MACF1: variants seen among roughly 807,000 people sequenced by gnomAD.
MACF1 encodes microtubule-actin cross-linking factor 1.
In MACF1, 193 loss-of-function variants were observed where a neutral mutation model predicts 854.8. That is an observed-to-expected ratio of 0.23 (90% CI 0.20 to 0.25). MACF1 has a LOEUF of 0.25. Ranked by LOEUF, MACF1 falls within the 10% of genes least tolerant of loss-of-function variation. The pLI is 1.00. For missense variants in MACF1, 7,722 were observed against 8,929.1 expected (o/e 0.86, Z 5.45); for synonymous variants, 3,185 against 3,226.7 (o/e 0.99, Z 0.44).
intron 83 of MACF1, 68 bp downstream of exon 83, chr1:39,448,220 TAAA>T: frequency 6.6e-7 from 1 of 1,517,916 alleles, no homozygotes; most frequent in Non-Finnish European, 8.9e-7. Flanking sequence ...TTGCCAAAAA[TAAA>T]AATCAGAGCT....
In MACF1 at chr1:39,291,916, C is replaced by T; in HGVS notation, c.1792C>T (p.Leu598=). Residue 598 remains leucine (L), a synonymous_variant, in exon 16 of 101, where the codon CTG becomes TTG. Transcript: ENST00000564288. Reference sequence around the variant, plus strand: ...TATATTTTTTCTTTTTCAGATGAAACTGGAGCGAGCAGAGTGGGGCAATGA... The same window carrying T: ...TATATTTTTTCTTTTTCAGATGAAATTGGAGCGAGCAGAGTGGGGCAATGA... ...LSWVEEMQMK[L]ERAEWGNDLP... 1 of 1,612,954 alleles carries T rather than the reference C, an allele frequency of 6.2e-7. No homozygotes were observed. Among genetic ancestry groups the T allele is most frequent in the Non-Finnish European group, 8.5e-7 (1 of 1,179,722 alleles).
intron 1 of MACF1, among the ~76,000 whole-genome samples, chr1:39,209,096 T>C (rs1186098011): frequency 6.6e-6 from 1 of 151,260 alleles, no homozygotes; most frequent in Non-Finnish European, 1.5e-5. Flanking sequence ...TACTAAAAAA[T>C]ACAAAATTAG....
intron 2 of MACF1, among the ~76,000 whole-genome samples, chr1:39,124,521 A>T (rs530011098): frequency 2.0e-5 from 3 of 152,206 alleles, no homozygotes; most frequent in African/African-American, 7.2e-5. Flanking sequence ...AGCATACTCA[A>T]TAAGTGTTAT....
intron 52 of MACF1, 24 bp downstream of exon 52, chr1:39,372,620 T>A (rs1198071229): frequency 1.3e-6 from 2 of 1,492,042 alleles, no homozygotes; most frequent in Middle Eastern, 1.7e-4. Flanking sequence ...CTTCAAAATA[T>A]AGTGAATAAA....
chr1:39,370,284 C>T, intron 51 of MACF1, 98 bp downstream of exon 51: 1 of 1,135,354 alleles, frequency 8.8e-7, no homozygotes, highest in Non-Finnish European at 1.2e-6. Context: ...TATGAGAAAT[C>T]CAAGTTGTCA....
intron 6 of MACF1, among the ~76,000 whole-genome samples, chr1:39,259,913 G>A (rs527927431): frequency 7.2e-5 from 11 of 152,214 alleles, no homozygotes; most frequent in African/African-American, 2.2e-4. Context: ...CACCGTGCCC[G>A]GCCAGAAGAA....
At chr1:39,301,031 A>G (rs1336975770) in intron 22 of MACF1, among the ~76,000 whole-genome samples, 1 of 152,178 alleles carries the variant, frequency 6.6e-6, no homozygotes, top group Non-Finnish European at 1.5e-5. Context: ...AATAAAAGGC[A>G]TAAGTTTCTT....
rs148250336 is a variant in MACF1, at chr1:39,189,855, A to G, written c.221-41327A>G. On this transcript the variant is annotated intron_variant, in intron 2 of 93. Coordinates refer to the MACF1 transcript ENST00000361689. ...CAGTTAGATTGTAAGCTCTTAAAGG[A>G]TAGTAGCATAAGACTGGCTTTGTAA... 3.3e-5 allele frequency among the ~76,000 whole-genome samples: 5 copies of G among 152,340 alleles called. No homozygotes were observed. The East Asian group carries it at 9.6e-4, about 29-fold the overall frequency.
Position 39,442,190 on chromosome 1 carries a change from A to C in MACF1, c.18818A>C (p.Lys6273Thr). The C allele has an allele frequency of 1.2e-6, 2 of 1,601,768 alleles. No individual in the cohort carries two copies. Among genetic ancestry groups the C allele is most frequent in the Non-Finnish European group, 1.7e-6 (2 of 1,176,170 alleles). The change falls in exon 76 of 101, where the codon AAG becomes ACG. Residue 6273 changes from lysine (K) to threonine (T), a missense_variant. Coordinates refer to ENST00000564288, the MANE Select transcript of MACF1 (RefSeq NM_001394062.1). The stretch of plus-strand genomic sequence containing the variant: ...TACCAACAGCAAATTGAGATGGAGA[A>C]GCTTAATCACCAGGGTGAACTGATG... Reference protein sequence around the residue: ...EVYQQQIEMEKLNHQGELMLK... With the variant: ...EVYQQQIEMETLNHQGELMLK...
chr1:39,164,797 A>G (rs1313417490), intron 2 of MACF1, among the ~76,000 whole-genome samples: 9 of 152,202 alleles, frequency 5.9e-5, no homozygotes, highest in Non-Finnish European at 1.3e-4. Context: ...GCTTAATTTG[A>G]TAAAATAGGT....
At chr1:39,267,640 T>G (rs1645249570) in intron 6 of MACF1, among the ~76,000 whole-genome samples, 1 of 152,250 alleles carries the variant, frequency 6.6e-6, no homozygotes. Context: ...TACACAGTGC[T>G]TGGCACACAG....
intron 58 of MACF1, chr1:39,411,177 T>C (rs749621389): frequency 1.3e-5 from 21 of 1,613,606 alleles, no homozygotes; most frequent in Non-Finnish European, 1.7e-5. Context: ...CAGAATTGCA[T>C]GTTCTCATAA....
intron 2 of MACF1, among the ~76,000 whole-genome samples, chr1:39,123,723 T>G (rs897459455): frequency 5.1e-5 from 7 of 137,320 alleles, no homozygotes; most frequent in African/African-American, 1.9e-4. Flanking sequence ...TTTTGTTTTT[T>G]TTTTTTTTTT....
intron 52 of MACF1, among the ~76,000 whole-genome samples, chr1:39,375,973 T>C (rs1649684831): frequency 6.6e-6 from 1 of 152,240 alleles, no homozygotes; most frequent in South Asian, 2.1e-4. Context: ...TGTTATTTAA[T>C]GTATTACACA....
chr1:39,197,635 C>T (rs1369260464), intron 2 of MACF1, among the ~76,000 whole-genome samples: 1 of 152,164 alleles, frequency 6.6e-6, no homozygotes, highest in African/African-American at 2.4e-5. Flanking sequence ...GTAATCCCAG[C>T]ACTTTGGGAG....
At chr1:39,162,088 C>T (rs1436463493) in intron 2 of MACF1, among the ~76,000 whole-genome samples, 1 of 151,418 alleles carries the variant, frequency 6.6e-6, no homozygotes, top group Non-Finnish European at 1.5e-5. Context: ...GCAATCTCCG[C>T]CTCCCGGGTT....
chr1:39,190,327 C>T (rs1290475373), intron 2 of MACF1, among the ~76,000 whole-genome samples: 1 of 148,266 alleles, frequency 6.7e-6, no homozygotes, highest in Non-Finnish European at 1.5e-5. Flanking sequence ...CCTCTCTCTT[C>T]CTTTCTCTTT....
In MACF1 at chr1:39,333,073, C is replaced by G. The variant is rs142254726; in HGVS notation, c.6485C>G (p.Pro2162Arg). ...GAAACACCAAAGAAAGAACATCAAC[C>G]TCTAAGAAACACTTCCTTTACATGT... Reference protein sequence around the residue: ...SVETPKKEHQPLRNTSFTCQN... With the variant: ...SVETPKKEHQRLRNTSFTCQN... Residue 2162 changes from proline (P) to arginine (R), a missense_variant, in exon 37 of 101, where the codon CCT becomes CGT. By Grantham distance (103) the Pro-to-Arg change is moderately radical. Transcript: ENST00000564288. 1.8e-4 allele frequency: 293 copies of G among 1,614,042 alleles called. 1 individual carries two copies. The highest frequency in any genetic ancestry group is 2.4e-4 in the Non-Finnish European group (284 of 1,180,018).
chr1:39,441,139 G>A lies in MACF1; in HGVS notation c.18570+14G>A. On this transcript the variant is annotated intron_variant, in intron 73 of 100. Coordinates refer to ENST00000564288, the MANE Select transcript of MACF1 (RefSeq NM_001394062.1). Reference sequence around the variant, plus strand: ...AGCATTGATGAGGTGTGGAGAAATGGATGAGGCACTCAGTTAGAACATTAG... The same window carrying A: ...AGCATTGATGAGGTGTGGAGAAATGAATGAGGCACTCAGTTAGAACATTAG... The A allele has an allele frequency of 6.2e-7, 1 of 1,614,186 alleles. No individual in the cohort carries two copies. The highest frequency in any genetic ancestry group is 1.7e-5 in the Admixed American group (1 of 60,032).
Sources: allele counts gnomAD v4.1 joint callset (sites outside exome capture counted in the v4.1 genomes callset), GRCh38; gene constraint gnomAD v4.1.1; transcripts MANE v1.5; gene names NCBI Gene and HGNC (gene_info 2026-07-23, HGNC 2026-07-21).